Variants in RPS6KA3 observed in about 807,000 individuals in gnomAD.
RPS6KA3 encodes the protein ribosomal protein S6 kinase A3, also known as ribosomal protein S6 kinase alpha-3.
A neutral mutation model predicts 67.2 loss-of-function variants in RPS6KA3; 4 were observed. That is an observed-to-expected ratio of 0.06 (90% CI 0.03 to 0.14). The LOEUF (loss-of-function observed/expected upper bound fraction) is 0.14. RPS6KA3 is among the 10% of genes least tolerant of loss of function. The probability of loss-of-function intolerance (pLI) is 1.00; values close to 1 mark genes in which losing one functional copy is unlikely to be tolerated. For synonymous variants in RPS6KA3, 182 were observed against 183.7 expected (o/e 0.99, Z 0.07); for missense variants, 204 against 559.0 (o/e 0.36, Z 6.40).
Position 20,156,394 on chromosome X carries a change from G to GA in RPS6KA3, c.1960-146dup, listed in dbSNP as rs1264554078. On this transcript the variant is annotated intron_variant, in intron 20 of 21. Transcript: ENST00000379565. ...CTTTGGTCAACATGGTAATTTGGGGGAAAAAAAATCAGTCTCCGCTTTTTC... is the reference window on the plus strand; with the variant it reads ...CTTTGGTCAACATGGTAATTTGGGGGAAAAAAAAATCAGTCTCCGCTTTTTC... 22 of 619,607 alleles carry GA rather than the reference G, an allele frequency of 3.6e-5. No individual in the cohort carries two copies. In the Middle Eastern group the frequency reaches 1.7e-3, roughly 47 times the overall value. The allele number at this position is 619,607 out of a possible 1,213,427, so 51.1% of individuals were successfully genotyped here.
At chrX:20,175,454 T>C (rs1225363811) in intron 13 of RPS6KA3, among the ~76,000 whole-genome samples, 166 bp from the exon 14 acceptor site, 2 of 112,318 alleles carry the variant, frequency 1.8e-5, no homozygotes, top group Non-Finnish European at 3.8e-5. Flanking sequence ...TCAGATCTGT[T>C]CTGATTGTGT....
rs548233734 is a variant in RPS6KA3 at position 20,202,778 on chromosome X, T to C, written c.325+1244A>G. On this transcript the variant is annotated intron_variant, in intron 4 of 21. Coordinates refer to ENST00000379565, the MANE Select transcript of RPS6KA3 (RefSeq NM_004586.3). ...TTAAATACATAAAATCAAACTACTT[T>C]TGTTGCTTTTGTGAATGAACTCTGA... 2.8e-4 allele frequency among the ~76,000 whole-genome samples: 31 copies of C among 112,363 alleles called. No individual in the cohort carries two copies. In the Middle Eastern group the frequency reaches 0.014, roughly 50 times the overall value.
chrX:20,165,240 AAGG>A, intron 17 of RPS6KA3, among the ~76,000 whole-genome samples, 180 bp from the exon 18 acceptor site: 1 of 111,889 alleles, frequency 8.9e-6, no homozygotes, highest in Admixed American at 9.6e-5. Context: ...GACCGGGGGC[AAGG>A]AGGAGGAGGA....
chrX:20,267,096 G>A (rs768368974), upstream of RPS6KA3: 1 of 753,266 alleles, frequency 1.3e-6, no homozygotes, highest in East Asian at 1.5e-4. Context: ...CCCAGGGGCT[G>A]GGCTAGTGGA....
At chrX:20,165,364 T>C (rs181293208) in intron 17 of RPS6KA3, among the ~76,000 whole-genome samples, 17 of 111,773 alleles carry the variant, frequency 1.5e-4, no homozygotes, top group Non-Finnish European at 2.8e-4. Context: ...TCATTTAATA[T>C]TGAGTGTCTA....
At chrX:20,249,936 C>T (rs1328929929) in intron 1 of RPS6KA3, among the ~76,000 whole-genome samples, 1 of 112,025 alleles carries the variant, frequency 8.9e-6, no homozygotes, top group Non-Finnish European at 1.9e-5. Flanking sequence ...TTACACAGTA[C>T]GAGATTTGGG....
intron 10 of RPS6KA3, among the ~76,000 whole-genome samples, chrX:20,183,975 T>C (rs756326194): frequency 5.3e-5 from 6 of 112,746 alleles, no homozygotes; most frequent in South Asian, 3.6e-4. Flanking sequence ...ATTTTTAACA[T>C]TGGTTACATG....
intron 2 of RPS6KA3, among the ~76,000 whole-genome samples, chrX:20,216,676 G>C (rs1169691543): frequency 9.1e-6 from 1 of 110,447 alleles, no homozygotes; most frequent in East Asian, 2.8e-4. Flanking sequence ...AGAAAGTCAA[G>C]CACCTGGGGG....
rs2067605278 is a variant in RPS6KA3, at chrX:20,172,830, T to A, written c.1269A>T (p.Glu423Asp). ...RNSIQFTDGY[E>D]VKEDIGVGSY... ...AGCCAACTCCAATATCTTCTTTTAC[T>A]TCATATCCATCAGTAAACTGAATAC... Residue 423 changes from glutamate to aspartate, a missense_variant, in exon 15 of 22, where the codon GAA (glutamate) becomes GAT (aspartate). Physicochemically the swap from Glu to Asp is conservative, Grantham distance 45. Transcript: ENST00000379565. The A allele has an allele frequency of 8.3e-7, 1 of 1,200,425 alleles. No homozygotes were observed. Among genetic ancestry groups the A allele is most frequent in the Admixed American group, 2.2e-5 (1 of 46,055 alleles).
chrX:20,266,870 G>A lies in RPS6KA3; in HGVS notation c.-238C>T. ...AGAGACGCCCGCGCGCTGAGCGAGAGCCTCGCGCCTCCGCTGGGCACCGGG... is the reference window on the plus strand; with the variant it reads ...AGAGACGCCCGCGCGCTGAGCGAGAACCTCGCGCCTCCGCTGGGCACCGGG... On this transcript the variant is annotated 5_prime_UTR_variant, in exon 1 of 22. Coordinates refer to ENST00000379565, the MANE Select transcript of RPS6KA3 (RefSeq NM_004586.3). The A allele has an allele frequency of 2.2e-6, 1 of 462,933 alleles. No homozygotes were observed. Among genetic ancestry groups the A allele is most frequent in the Non-Finnish European group, 2.7e-6 (1 of 372,701 alleles). The allele number at this position is 462,933 out of a possible 1,213,427, so 38.2% of individuals were successfully genotyped here.
intron 15 of RPS6KA3, among the ~76,000 whole-genome samples, chrX:20,172,151 G>A (rs181863798): frequency 8.9e-6 from 1 of 112,110 alleles, no homozygotes. Context: ...GAGAGCAGAG[G>A]TTACTATTCC....
intron 4 of RPS6KA3, among the ~76,000 whole-genome samples, chrX:20,198,304 G>A (rs931471679): frequency 8.9e-6 from 1 of 112,151 alleles, no homozygotes; most frequent in African/African-American, 3.2e-5. Flanking sequence ...AGGAAAAGAA[G>A]CCAATGAAAA....
chrX:20,171,201 T>C (rs143830115), intron 15 of RPS6KA3, among the ~76,000 whole-genome samples: 12 of 112,381 alleles, frequency 1.1e-4, no homozygotes, highest in South Asian at 3.7e-4. Flanking sequence ...TGGTCAACAG[T>C]AGGCTATGAG....
intron 1 of RPS6KA3, among the ~76,000 whole-genome samples, chrX:20,247,020 T>C (rs941080246): frequency 8.9e-6 from 1 of 112,367 alleles, no homozygotes; most frequent in Non-Finnish European, 1.9e-5. Flanking sequence ...AAACATAACC[T>C]AGTAACAAAG....
At chrX:20,218,763 AC>A (rs1401145788) in intron 2 of RPS6KA3, 2 of 967,063 alleles carry the variant, frequency 2.1e-6, no homozygotes, top group Non-Finnish European at 2.9e-6. Context: ...TCCAACTAAA[AC>A]ATTTTATTCT....
intron 10 of RPS6KA3, among the ~76,000 whole-genome samples, chrX:20,178,198 CAT>C (rs1473519524): frequency 9.0e-6 from 1 of 111,375 alleles, no homozygotes; most frequent in Non-Finnish European, 1.9e-5. Flanking sequence ...TGCAGAAGAA[CAT>C]ATGCAAAGAG....
intron 1 of RPS6KA3, among the ~76,000 whole-genome samples, chrX:20,237,684 G>A (rs1354013460): frequency 1.8e-5 from 2 of 111,676 alleles, no homozygotes; most frequent in Non-Finnish European, 3.8e-5. Flanking sequence ...AAATGTTAAA[G>A]AGCTGTACCA....
At chrX:20,266,935 C>T (rs1306499794), upstream of RPS6KA3, 3 of 704,744 alleles carry the variant, frequency 4.3e-6, no homozygotes. Context: ...GCCGCCGGGA[C>T]TACGGCTCCG....
chrX:20,244,905 A>G (rs918481718), intron 1 of RPS6KA3, among the ~76,000 whole-genome samples: 8 of 112,535 alleles, frequency 7.1e-5, no homozygotes, highest in Non-Finnish European at 1.5e-4. Flanking sequence ...ATCTCCTAAA[A>G]GGGATTTCTT....
Sources: allele counts gnomAD v4.1 joint callset (sites outside exome capture counted in the v4.1 genomes callset), GRCh38; gene constraint gnomAD v4.1.1; transcripts MANE v1.5; gene names NCBI Gene and HGNC (gene_info 2026-07-23, HGNC 2026-07-21).